ATAD2: variants seen among roughly 807,000 people sequenced by gnomAD.
The protein encoded by ATAD2 is ATPase family AAA domain-containing protein 2.
Under a neutral mutation model 168.9 loss-of-function variants are expected in ATAD2, and 62 were observed. That is an observed-to-expected ratio of 0.37 (90% CI 0.30 to 0.45). ATAD2 has a LOEUF of 0.45. ATAD2 is among the 20% of genes least tolerant of loss of function. The probability of loss-of-function intolerance (pLI) is 1.00; values close to 1 mark genes in which losing one functional copy is unlikely to be tolerated. For missense variants in ATAD2, 1,419 were observed against 1,667.8 expected (o/e 0.85, Z 2.60); for synonymous variants, 613 against 571.6 (o/e 1.07, Z -1.03).
chr8:123,359,554 A>G (rs1297587325), intron 10 of ATAD2, 23 bp downstream of exon 10: 1 of 1,555,498 alleles, frequency 6.4e-7, no homozygotes, highest in Non-Finnish European at 8.8e-7. Flanking sequence ...GTTCAAGCAT[A>G]TGTTTCAAAA....
At chr8:123,341,045 C>T (rs937611885) in intron 19 of ATAD2, among the ~76,000 whole-genome samples, 2 of 151,726 alleles carry the variant, frequency 1.3e-5, no homozygotes, top group Non-Finnish European at 2.9e-5. Flanking sequence ...CAGATTCAAG[C>T]GGTTCTCCCA....
rs1308822067 is a variant in ATAD2, at chr8:123,357,556, T to A, written c.1557+6A>T. 1 of 1,610,500 alleles carries A rather than the reference T, an allele frequency of 6.2e-7. No individual in the cohort carries two copies. The highest frequency in any genetic ancestry group is 8.5e-7 in the Non-Finnish European group (1 of 1,178,446). ...TATCCAGATATATAAAATGTTAATA[T>A]CATACCTGATCAAACAGCAATCGTA... On this transcript the variant is annotated splice_donor_region_variant and intron_variant, in intron 12 of 27. Coordinates refer to ENST00000287394, the MANE Select transcript of ATAD2 (RefSeq NM_014109.4).
At chr8:123,383,278 G>A (rs1332205529) in intron 1 of ATAD2, among the ~76,000 whole-genome samples, 1 of 151,808 alleles carries the variant, frequency 6.6e-6, no homozygotes, top group Non-Finnish European at 1.5e-5. Context: ...AAACCACCAT[G>A]GCACATATAT....
At position 123,322,895 on chromosome 8, in the gene ATAD2, G is replaced by T; in HGVS notation, c.4131+43C>A. 2.5e-6 allele frequency: 4 copies of T among 1,585,164 alleles called. No homozygotes were observed. The South Asian group carries it at 4.6e-5, about 18-fold the overall frequency. The stretch of plus-strand genomic sequence containing the variant: ...TCCTACATAAGTGATATATTAATGT[G>T]ACCACAAGAGCATTTGTAAAAAGTT... On this transcript the variant is annotated intron_variant, in intron 27 of 27. Coordinates refer to ENST00000287394, the MANE Select transcript of ATAD2 (RefSeq NM_014109.4).
chr8:123,319,854 A>G lies in ATAD2; in HGVS notation c.*1280T>C, dbSNP rs1349331038. On this transcript the variant is annotated 3_prime_UTR_variant, in exon 28 of 28. Coordinates refer to ENST00000287394, the MANE Select transcript of ATAD2 (RefSeq NM_014109.4). Reference sequence around the variant, plus strand: ...TACTTAAGAAATAGAAACAAATTTAAGAGAGTTTTCACCTTTAAAATTTAT... The same window carrying G: ...TACTTAAGAAATAGAAACAAATTTAGGAGAGTTTTCACCTTTAAAATTTAT... 1 of 152,166 alleles carries G rather than the reference A, an allele frequency of 6.6e-6. No individual in the cohort carries two copies. The highest frequency in any genetic ancestry group is 1.5e-5 in the Non-Finnish European group (1 of 67,998). 9.4% of individuals were successfully genotyped at this position (152,166 alleles called of 1,614,324 possible). A position where few individuals can be genotyped will look rare whatever the true frequency, so the allele number is the denominator to read the frequency against.
intron 1 of ATAD2, among the ~76,000 whole-genome samples, chr8:123,387,873 GGGGA>G (rs1269283057): frequency 2.0e-5 from 3 of 152,122 alleles, no homozygotes; most frequent in Non-Finnish European, 4.4e-5. Context: ...CATGTTTGGG[GGGGA>G]GGTCAGTTGT....
Position 123,369,107 on chromosome 8 carries a change from G to T in ATAD2, c.1000C>A (p.Arg334=), listed in dbSNP as rs778214736. 6.3e-7 allele frequency: 1 copy of T among 1,595,076 alleles called. No individual in the cohort carries two copies. Among genetic ancestry groups the T allele is most frequent in the East Asian group, 2.3e-5 (1 of 44,354 alleles). ...GPASPARPRY[R]LSSAGPRSPY... is the part of the protein sequence containing the mutation. ...CTTCTTGGTCCTGCGGAAGATAATC[G>T]GTATCTTGGTCTTGCAGGAGAAGCT... The change falls in exon 8 of 28, where the codon CGA becomes AGA. Residue 334 remains arginine, a synonymous_variant. Transcript: ENST00000287394.
intron 25 of ATAD2, among the ~76,000 whole-genome samples, chr8:123,326,433 G>T (rs1161121261): frequency 6.6e-6 from 1 of 151,978 alleles, no homozygotes; most frequent in African/African-American, 2.4e-5. Context: ...ACTTTGGGAG[G>T]CCAAGGCAGG....
In ATAD2 at chr8:123,380,269, T is replaced by C. The variant is rs187532763; in HGVS notation, c.320+260A>G. Among the ~76,000 whole-genome samples, 398 of 152,034 alleles carry C rather than the reference T, an allele frequency of 2.6e-3. 3 individuals are homozygous for C. The highest frequency in any genetic ancestry group is 9.2e-3 in the African/African-American group (381 of 41,504). ...GGTTTCTCCATGTTGGTCAGGCTGG[T>C]CTTGAACTCCTGACCTCAGGTGATC... On this transcript the variant is annotated intron_variant, in intron 2 of 27. Transcript: ENST00000287394.
At chr8:123,391,296 A>G (rs1586906065) in intron 1 of ATAD2, among the ~76,000 whole-genome samples, 1 of 151,894 alleles carries the variant, frequency 6.6e-6, no homozygotes, top group South Asian at 2.1e-4. Context: ...ACAAACTTAG[A>G]CCACCACCAC....
intron 1 of ATAD2, among the ~76,000 whole-genome samples, chr8:123,391,868 T>C (rs1829834874): frequency 2.0e-5 from 3 of 152,240 alleles, no homozygotes; most frequent in Admixed American, 2.0e-4. Flanking sequence ...ATGCTCATTA[T>C]GTAACACTGT....
At chr8:123,331,489 C>T (rs1827773079) in intron 24 of ATAD2, among the ~76,000 whole-genome samples, 1 of 152,024 alleles carries the variant, frequency 6.6e-6, no homozygotes, top group Non-Finnish European at 1.5e-5. Flanking sequence ...ATCCACCCGC[C>T]TCAGCCTCCC....
intron 6 of ATAD2, among the ~76,000 whole-genome samples, chr8:123,370,230 G>T (rs1409696220): frequency 6.6e-6 from 1 of 151,354 alleles, no homozygotes; most frequent in Non-Finnish European, 1.5e-5. Context: ...TTAAAAAACT[G>T]CAGAAAAACA....
intron 24 of ATAD2, among the ~76,000 whole-genome samples, chr8:123,330,509 G>A (rs974447621): frequency 6.6e-6 from 1 of 152,016 alleles, no homozygotes; most frequent in South Asian, 2.1e-4. Flanking sequence ...GACTACAGGT[G>A]CCGCCACCGT....
rs113064839 is a variant in ATAD2, at chr8:123,369,918, TTCATCATCA to T, written c.825_833del (p.Asp275_Asp277del). ...CTCCATCTTCTTCATCTTCATCATC[TTCATCATCA>T]TCATCATCATCATCATCGTCATCAT... On this transcript the variant is annotated inframe_deletion, in exon 7 of 28. Coordinates refer to ENST00000287394, the MANE Select transcript of ATAD2 (RefSeq NM_014109.4). 2.5e-3 allele frequency: 3,920 copies of T among 1,567,998 alleles called. 6 individuals are homozygous for T. The highest frequency in any genetic ancestry group is 3.0e-3 in the Admixed American group (176 of 59,322).
At chr8:123,406,251 C>T (rs955726621) in intron 1 of ATAD2, among the ~76,000 whole-genome samples, 2 of 151,764 alleles carry the variant, frequency 1.3e-5, no homozygotes, top group East Asian at 1.9e-4. Flanking sequence ...GTGGCACATG[C>T]CTATAATCCC....
In ATAD2 at chr8:123,369,228, A is replaced by G. The variant is rs1586888901; in HGVS notation, c.932-53T>C. The G allele has an allele frequency of 1.0e-5, 7 of 679,420 alleles. No individual in the cohort carries two copies. The East Asian group carries it at 4.0e-4, about 39-fold the overall frequency. 42.1% of individuals were successfully genotyped at this position (679,420 alleles called of 1,614,324 possible). Reference sequence around the variant, plus strand: ...TTGTATATATATATATATATGGCATACAAATATGTATGAAGATAATTTTGC... The same window carrying G: ...TTGTATATATATATATATATGGCATGCAAATATGTATGAAGATAATTTTGC... On this transcript the variant is annotated intron_variant, in intron 7 of 27. Coordinates refer to ENST00000287394, the MANE Select transcript of ATAD2 (RefSeq NM_014109.4).
At position 123,404,339 on chromosome 8, in the gene ATAD2, TAAG is replaced by T. The variant is rs138232696; in HGVS notation, c.-2281-3167_-2281-3165del. ...CAACAGAAATTTATTCTCTGATGGT[TAAG>T]GAGGCAAGAAATCCAAAATCAAGGT... On this transcript the variant is annotated intron_variant, in intron 1 of 28. Transcript: ENST00000521903. Among the ~76,000 whole-genome samples the T allele has an allele frequency of 4.3e-3, 658 of 152,260 alleles. 6 individuals carry two copies. Among genetic ancestry groups the T allele is most frequent in the African/African-American group, 0.015 (627 of 41,552 alleles).
At chr8:123,398,191 G>A (rs190941763), upstream of ATAD2, among the ~76,000 whole-genome samples, 191 of 151,630 alleles carry the variant, frequency 1.3e-3, no homozygotes, top group Non-Finnish European at 2.2e-3. Flanking sequence ...CATTTAACTG[G>A]GAGTCCTGCT....
Sources: gnomAD v4.1 joint callset for allele counts (sites outside exome capture counted in the v4.1 genomes callset) on GRCh38, gnomAD v4.1.1 for gene constraint, MANE v1.5 for transcripts, NCBI Gene and HGNC (gene_info 2026-07-23, HGNC 2026-07-21) for gene names.